Variants in THSD7A observed in about 807,000 individuals in gnomAD.
THSD7A encodes thrombospondin type-1 domain-containing protein 7A.
In THSD7A, 96 loss-of-function variants were observed where a neutral mutation model predicts 231.3. The ratio of observed to expected loss-of-function variants is 0.41; its 90% CI spans 0.35 to 0.49. The LOEUF is 0.49. Ranked by LOEUF, THSD7A falls within the 20% of genes least tolerant of loss-of-function variation. THSD7A has a pLI of 0.05. For synonymous variants in THSD7A, 940 were observed against 743.3 expected (o/e 1.26, Z -4.30); for missense variants, 2,290 against 2,070.2 (o/e 1.11, Z -2.06).
intron 1 of THSD7A, among the ~76,000 whole-genome samples, chr7:11,822,276 C>G (rs114976301): frequency 6.6e-6 from 1 of 152,128 alleles, no homozygotes; most frequent in African/African-American, 2.4e-5. Flanking sequence ...TTTACCACCA[C>G]TTATGAATCA....
chr7:11,781,351 A>G (rs1380772584), intron 1 of THSD7A, among the ~76,000 whole-genome samples: 1 of 151,644 alleles, frequency 6.6e-6, no homozygotes, highest in African/African-American at 2.4e-5. Context: ...GTTACCTGAG[A>G]GGCTGAGCCA....
chr7:11,704,511 G>T lies in THSD7A; in HGVS notation c.191-67550C>A, dbSNP rs10266100. ...TTCCTCTGGTGGGCAAGGAGAAGAAGCAGGAAAGAGCCAGAGACTCTTTGG... is the reference window on the plus strand; with the variant it reads ...TTCCTCTGGTGGGCAAGGAGAAGAATCAGGAAAGAGCCAGAGACTCTTTGG... On this transcript the variant is annotated intron_variant, in intron 1 of 27. Coordinates refer to ENST00000423059, the MANE Select transcript of THSD7A (RefSeq NM_015204.3). Among the ~76,000 whole-genome samples the T allele has an allele frequency of 5.4e-3, 818 of 150,884 alleles. 6 individuals carry two copies. The highest frequency in any genetic ancestry group is 0.019 in the African/African-American group (788 of 41,328).
intron 1 of THSD7A, among the ~76,000 whole-genome samples, chr7:11,799,777 G>C (rs1328460423): frequency 6.6e-6 from 1 of 152,144 alleles, no homozygotes; most frequent in South Asian, 2.1e-4. Flanking sequence ...CACAAAGCTA[G>C]ATCAAATTGG....
intron 1 of THSD7A, among the ~76,000 whole-genome samples, chr7:11,756,777 A>G (rs1480912289): frequency 1.3e-5 from 2 of 152,108 alleles, no homozygotes; most frequent in African/African-American, 2.4e-5. Context: ...TTGAAAATAC[A>G]GAAAGGAAAG....
In THSD7A at chr7:11,412,703, G is replaced by T. The variant is rs756149664; in HGVS notation, c.3635C>A (p.Pro1212His). ...GTAGCAGTTTTTGTTCAGGTTACAG[G>T]GTTCTTTCTCAACAGCATTAGGGCA... The part of the protein sequence containing the change: ...RSCPNAVEKE[P>H]CNLNKNCYHY... The change falls in exon 18 of 28, where the codon CCC (proline) becomes CAC (histidine). Residue 1212 changes from proline to histidine, a missense_variant. Coordinates refer to ENST00000423059, the MANE Select transcript of THSD7A (RefSeq NM_015204.3). 3 of 1,613,732 alleles carry T rather than the reference G, an allele frequency of 1.9e-6. No homozygotes were observed. Among genetic ancestry groups the T allele is most frequent in the East Asian group, 2.2e-5 (1 of 44,870 alleles).
chr7:11,498,374 T>C (rs1003247571), intron 6 of THSD7A, among the ~76,000 whole-genome samples: 2 of 152,190 alleles, frequency 1.3e-5, no homozygotes, highest in Non-Finnish European at 2.9e-5. Flanking sequence ...GCCAGACTGC[T>C]GCTTTAAACA....
At chr7:11,464,984 GAA>G (rs914466236) in intron 9 of THSD7A, among the ~76,000 whole-genome samples, 15 of 152,242 alleles carry the variant, frequency 9.9e-5, no homozygotes, top group African/African-American at 3.4e-4. Context: ...AACAAAAAAT[GAA>G]AGTTTCATCA....
intron 1 of THSD7A, among the ~76,000 whole-genome samples, chr7:11,772,960 T>A (rs1451079668): frequency 6.6e-6 from 1 of 152,106 alleles, no homozygotes; most frequent in African/African-American, 2.4e-5. Flanking sequence ...AATGTGTTTT[T>A]AAAAAATACT....
chr7:11,771,349 A>G (rs986785244), intron 1 of THSD7A, among the ~76,000 whole-genome samples: 1 of 152,012 alleles, frequency 6.6e-6, no homozygotes, highest in African/African-American at 2.4e-5. Context: ...AAACAGTTGA[A>G]TATGAAGCCA....
intron 1 of THSD7A, among the ~76,000 whole-genome samples, chr7:11,770,454 T>C (rs1211107466): frequency 6.6e-6 from 1 of 152,156 alleles, no homozygotes; most frequent in East Asian, 1.9e-4. Flanking sequence ...GTCAAGAGTA[T>C]AGTTTAAAGA....
At chr7:11,655,532 A>G (rs1420818263) in intron 1 of THSD7A, among the ~76,000 whole-genome samples, 1 of 151,894 alleles carries the variant, frequency 6.6e-6, no homozygotes, top group Non-Finnish European at 1.5e-5. Context: ...CTTCTTCCTA[A>G]TAAGACTCTT....
intron 4 of THSD7A, among the ~76,000 whole-genome samples, chr7:11,554,477 C>A (rs775345665): frequency 6.6e-6 from 1 of 151,918 alleles, no homozygotes; most frequent in African/African-American, 2.4e-5. Context: ...TGAGGATGTT[C>A]TTCTCTATTC....
intron 1 of THSD7A, among the ~76,000 whole-genome samples, chr7:11,770,756 A>G (rs1236083227): frequency 2.0e-5 from 3 of 152,160 alleles, no homozygotes; most frequent in Non-Finnish European, 4.4e-5. Context: ...AGTAAGGTCA[A>G]TATTTGTGGA....
chr7:11,716,399 G>A (rs931726948), intron 1 of THSD7A, among the ~76,000 whole-genome samples: 4 of 151,624 alleles, frequency 2.6e-5, no homozygotes, highest in Admixed American at 2.6e-4. Flanking sequence ...CAAGGACAAT[G>A]ATGGGAACAC....
Position 11,446,103 on chromosome 7 carries a change from G to C in THSD7A, c.3022C>G (p.Gln1008Glu). 2 of 1,613,370 alleles carry C rather than the reference G, an allele frequency of 1.2e-6. No homozygotes were observed. The highest frequency in any genetic ancestry group is 8.5e-7 in the Non-Finnish European group (1 of 1,179,554). Residue 1008 changes from glutamine to glutamate, a missense_variant, in exon 13 of 28, where the codon CAA (glutamine) becomes GAA (glutamate). Gln to Glu is a conservative substitution (Grantham distance 29). Coordinates refer to ENST00000423059, the MANE Select transcript of THSD7A (RefSeq NM_015204.3). The surrounding 1 kb of genome is among the most constrained non-coding windows in gnomAD (Gnocchi z 4.0). ...GATGTTTCCACAAGCCTGCCATTTT[G>C]ATCGTAGCATGCCATTGCTTGGTAA... ...YRYQAMACYD[Q>E]NGRLVETSRC...
At chr7:11,433,973 G>A (rs752917904) in intron 13 of THSD7A, among the ~76,000 whole-genome samples, 20 of 152,078 alleles carry the variant, frequency 1.3e-4, no homozygotes, top group East Asian at 1.9e-4. Context: ...CTGCAAAAGC[G>A]TATATTGCCT....
rs1404527227 is a variant in THSD7A at position 11,375,569 on chromosome 7, A to G, written c.*225T>C. 5.4e-6 allele frequency: 2 copies of G among 372,956 alleles called. No homozygotes were observed. The highest frequency in any genetic ancestry group is 4.4e-5 in the Admixed American group (1 of 22,734). 23.1% of individuals were successfully genotyped at this position (372,956 alleles called of 1,614,324 possible). Reference sequence around the variant, plus strand: ...ATAAAACTTTCAGAATGCAGCATGTATTCAGCTAAATCTCCTATAATTCTC... The same window carrying G: ...ATAAAACTTTCAGAATGCAGCATGTGTTCAGCTAAATCTCCTATAATTCTC... On this transcript the variant is annotated 3_prime_UTR_variant, in exon 28 of 28. Transcript: ENST00000423059.
At chr7:11,578,325 G>T (rs1212945007) in intron 4 of THSD7A, among the ~76,000 whole-genome samples, 2 of 151,956 alleles carry the variant, frequency 1.3e-5, no homozygotes, top group African/African-American at 4.8e-5. Context: ...CCTTTAAAAA[G>T]GAAAGAAAAG....
chr7:11,791,642 T>A (rs115060077), intron 1 of THSD7A, among the ~76,000 whole-genome samples: 1,948 of 152,094 alleles, frequency 0.013, 45 homozygotes, highest in African/African-American at 0.044. Context: ...CTTGTAAGAA[T>A]TTCCTTAGAC....
Sources: gnomAD v4.1 joint callset for allele counts (sites outside exome capture counted in the v4.1 genomes callset) on GRCh38, gnomAD v4.1.1 for gene constraint, Gnocchi (gnomAD v3.1) non-coding constraint, MANE v1.5 for transcripts, NCBI Gene and HGNC (gene_info 2026-07-23, HGNC 2026-07-21) for gene names.